The following GMDS variants were observed in gnomAD, a reference collection of about 807,000 sequenced individuals.
GMDS encodes the protein GDP-mannose 4,6-dehydratase.
In GMDS, 20 loss-of-function variants were observed where a neutral mutation model predicts 49.9. The ratio of observed to expected loss-of-function variants is 0.40; its 90% CI spans 0.28 to 0.58. The LOEUF (loss-of-function observed/expected upper bound fraction) is 0.58. GMDS is among the 20% of genes least tolerant of loss of function. The probability of loss-of-function intolerance (pLI) is 0.42; values close to 1 mark genes in which losing one functional copy is unlikely to be tolerated. For missense variants in GMDS, 362 were observed against 481.4 expected, an observed-to-expected ratio of 0.75 and a Z score of 2.32; for synonymous variants, 177 against 178.6, an observed-to-expected ratio of 0.99 and a Z score of 0.07.
intron 6 of GMDS, among the ~76,000 whole-genome samples, chr6:1,956,312 G>C (rs1763636851): frequency 6.6e-6 from 1 of 152,168 alleles, no homozygotes; most frequent in South Asian, 2.1e-4. Context: ...GCATCTGCCT[G>C]TGTTACAATA....
chr6:2,230,246 T>G (rs1781025105), intron 1 of GMDS, among the ~76,000 whole-genome samples: 1 of 152,252 alleles, frequency 6.6e-6, no homozygotes, highest in Admixed American at 6.5e-5. Context: ...AAATTTTGAC[T>G]GATGAAAACT....
At chr6:1,649,471 A>C (rs2569845) in intron 9 of GMDS, among the ~76,000 whole-genome samples, 87,515 of 152,048 alleles carry the variant, frequency 0.58, 25,573 homozygotes, top group African/African-American at 0.67. Context: ...CATCCAGCCT[A>C]TTTCAGGACA....
chr6:2,238,242 TA>T (rs34933101), intron 1 of GMDS, among the ~76,000 whole-genome samples: 85,864 of 148,558 alleles, frequency 0.58, 27,709 homozygotes, highest in African/African-American at 0.84. Context: ...AAAAAAATAG[TA>T]AAAAAATCAG....
rs1561674832 is a variant in GMDS, at chr6:2,230,020, C to CT, written c.102+15300_102+15301insA. Among the ~76,000 whole-genome samples the CT allele has an allele frequency of 9.8e-3, 1,243 of 127,016 alleles. 28 individuals carry two copies. Among genetic ancestry groups the CT allele is most frequent in the African/African-American group, 0.047 (1,180 of 25,342 alleles). 83.3% of individuals were successfully genotyped at this position (127,016 alleles called of 152,430 possible). A position where few individuals can be genotyped will look rare whatever the true frequency, so the allele number is the denominator to read the frequency against. On this transcript the variant is annotated intron_variant, in intron 1 of 10. Coordinates refer to ENST00000380815, the MANE Select transcript of GMDS (RefSeq NM_001500.4). Reference sequence around the variant, plus strand: ...TTTGCGAGACTCCTCTGAAGACCTCCCTCCAGAGTCCACAGTTGCGAGACT... The same window carrying CT: ...TTTGCGAGACTCCTCTGAAGACCTCCTCTCCAGAGTCCACAGTTGCGAGACT...
intron 4 of GMDS, among the ~76,000 whole-genome samples, chr6:2,005,247 A>G (rs978173685): frequency 1.3e-5 from 2 of 152,160 alleles, no homozygotes; most frequent in African/African-American, 4.8e-5. Flanking sequence ...ATTACCTCAA[A>G]ATACAAGGCC....
At chr6:1,847,512 T>A (rs1422231963) in intron 7 of GMDS, among the ~76,000 whole-genome samples, 1 of 152,164 alleles carries the variant, frequency 6.6e-6, no homozygotes, top group Non-Finnish European at 1.5e-5. Flanking sequence ...TGGACATTCA[T>A]CTCTAATTCC....
chr6:1,788,204 G>A (rs1399750507), intron 7 of GMDS, among the ~76,000 whole-genome samples: 7 of 152,206 alleles, frequency 4.6e-5, no homozygotes, highest in Non-Finnish European at 1.0e-4. Flanking sequence ...GGCCACAGTC[G>A]GGAGGGCGAT....
At chr6:2,220,413 G>A (rs1016201870) in intron 1 of GMDS, among the ~76,000 whole-genome samples, 6 of 152,246 alleles carry the variant, frequency 3.9e-5, no homozygotes, top group South Asian at 2.1e-4. Context: ...TTATTTTCTC[G>A]CTGTAATAAT....
intron 6 of GMDS, among the ~76,000 whole-genome samples, chr6:1,936,387 A>G (rs1012585729): frequency 2.6e-5 from 4 of 152,156 alleles, no homozygotes; most frequent in African/African-American, 9.7e-5. Flanking sequence ...ACCTAGGGAA[A>G]GTGAAGCCTG....
At chr6:2,207,048 TTACTC>T in intron 1 of GMDS, among the ~76,000 whole-genome samples, 1 of 152,120 alleles carries the variant, frequency 6.6e-6, no homozygotes, top group Non-Finnish European at 1.5e-5. Context: ...AACATAAGCT[TTACTC>T]TATTAGGATT....
chr6:1,708,188 C>T (rs1479001860), intron 9 of GMDS, among the ~76,000 whole-genome samples: 7 of 152,202 alleles, frequency 4.6e-5, no homozygotes, highest in Admixed American at 4.6e-4. Flanking sequence ...GCCATTTGCT[C>T]ACCATCCACA....
intron 4 of GMDS, among the ~76,000 whole-genome samples, chr6:2,105,964 A>G (rs1774218999): frequency 6.6e-6 from 1 of 152,222 alleles, no homozygotes; most frequent in African/African-American, 2.4e-5. Context: ...TTTTCTAAAG[A>G]ATCAGTCTCT....
chr6:1,957,601 A>C (rs1763712106), intron 6 of GMDS, among the ~76,000 whole-genome samples: 1 of 152,206 alleles, frequency 6.6e-6, no homozygotes, highest in East Asian at 1.9e-4. Flanking sequence ...CAAGTTCCTA[A>C]AGAGATTTAA....
intron 7 of GMDS, among the ~76,000 whole-genome samples, chr6:1,868,271 C>T (rs141348217): frequency 1.3e-5 from 2 of 152,304 alleles, no homozygotes; most frequent in Admixed American, 1.3e-4. Context: ...AGGCGTGATC[C>T]ACCGCACCCG....
At chr6:1,989,657 G>A (rs1021820425) in intron 4 of GMDS, among the ~76,000 whole-genome samples, 1 of 152,164 alleles carries the variant, frequency 6.6e-6, no homozygotes, top group Non-Finnish European at 1.5e-5. Context: ...AGGGTCCCCT[G>A]CCACAACAAA....
intron 4 of GMDS, among the ~76,000 whole-genome samples, chr6:2,106,006 G>A (rs1774221508): frequency 6.6e-6 from 1 of 152,124 alleles, no homozygotes; most frequent in Admixed American, 6.5e-5. Context: ...GCTGTAACAT[G>A]CCAAACCAAG....
chr6:1,872,178 C>T (rs1253288104), intron 7 of GMDS, among the ~76,000 whole-genome samples: 1 of 152,252 alleles, frequency 6.6e-6, no homozygotes, highest in Non-Finnish European at 1.5e-5. Flanking sequence ...AGCACAAACA[C>T]TGGCCGGAAT....
Position 2,115,806 on chromosome 6 carries a change from C to T in GMDS, c.310G>A (p.Glu104Lys). The change falls in exon 4 of 11, where the codon GAG (glutamate) becomes AAG (lysine). Residue 104 changes from glutamate to lysine, a missense_variant. Glu to Lys is a moderately conservative substitution (Grantham distance 56, BLOSUM62 1). Coordinates refer to ENST00000380815, the MANE Select transcript of GMDS (RefSeq NM_001500.4). The stretch of plus-strand genomic sequence containing the variant: ...CTCTGGGCTCCAAGGTTGTAGATCT[C>T]TGTGGGCTTTACTTCATTAATGATC... ...VKIINEVKPT[E>K]IYNLGAQSHV... is the part of the protein sequence containing the mutation. 1.9e-6 allele frequency: 3 copies of T among 1,607,364 alleles called. No homozygotes were observed. Among genetic ancestry groups the T allele is most frequent in the Non-Finnish European group, 2.6e-6 (3 of 1,174,054 alleles).
At chr6:1,920,709 G>C (rs1298112539) in intron 7 of GMDS, among the ~76,000 whole-genome samples, 3 of 152,138 alleles carry the variant, frequency 2.0e-5, no homozygotes, top group African/African-American at 7.2e-5. Flanking sequence ...AGATTTTCCA[G>C]ACTTTCACAG....
Sources: allele counts gnomAD v4.1 joint callset (sites outside exome capture counted in the v4.1 genomes callset), GRCh38; gene constraint gnomAD v4.1.1; transcripts MANE v1.5; gene names NCBI Gene and HGNC (gene_info 2026-07-23, HGNC 2026-07-21).